SPAG16: variants seen among roughly 807,000 people sequenced by gnomAD.
SPAG16 encodes sperm-associated antigen 16 protein.
Under a neutral mutation model 80.4 loss-of-function variants are expected in SPAG16, and 86 were observed. The observed-to-expected ratio is 1.07, with a 90% CI of 0.90 to 1.28. The LOEUF (loss-of-function observed/expected upper bound fraction) is 1.28. SPAG16 is among the 50% of genes most tolerant of loss of function. The pLI, the probability that SPAG16 is intolerant of heterozygous loss-of-function variation, is 0.00. For missense variants in SPAG16, 870 were observed against 765.3 expected (o/e 1.14, Z -1.61); for synonymous variants, 294 against 265.9 (o/e 1.11, Z -1.03).
chr2:214,241,889 TAA>T (rs71037353), intron 15 of SPAG16, among the ~76,000 whole-genome samples: 187 of 148,246 alleles, frequency 1.3e-3, no homozygotes, highest in African/African-American at 4.0e-3. Context: ...GTAAGTTGTA[TAA>T]AAAAAAAAAA....
At chr2:214,021,689 C>CTA (rs1375482296) in intron 13 of SPAG16, among the ~76,000 whole-genome samples, 1 of 152,032 alleles carries the variant, frequency 6.6e-6, no homozygotes, top group Non-Finnish European at 1.5e-5. Context: ...TGCAATAATA[C>CTA]AATACAAAAT....
intron 14 of SPAG16, among the ~76,000 whole-genome samples, chr2:214,138,054 C>T (rs543745783): frequency 6.6e-6 from 1 of 152,162 alleles, no homozygotes; most frequent in Admixed American, 6.5e-5. Flanking sequence ...GGCTCTTTGG[C>T]TGGTCCAGGA....
intron 14 of SPAG16, among the ~76,000 whole-genome samples, chr2:214,126,383 A>T (rs1020458612): frequency 2.0e-5 from 3 of 151,476 alleles, no homozygotes; most frequent in Non-Finnish European, 2.9e-5. Flanking sequence ...TTCATTTCAA[A>T]GTATTCAGCA....
At chr2:213,373,209 T>A (rs1471389344) in intron 8 of SPAG16, among the ~76,000 whole-genome samples, 2 of 152,180 alleles carry the variant, frequency 1.3e-5, no homozygotes, top group African/African-American at 2.4e-5. Context: ...AAGTGCTATA[T>A]GGAATCTGAG....
intron 15 of SPAG16, among the ~76,000 whole-genome samples, chr2:214,167,547 G>T (rs758045391): frequency 5.9e-5 from 9 of 151,986 alleles, no homozygotes; most frequent in Non-Finnish European, 1.0e-4. Flanking sequence ...GAAAGGAAAG[G>T]ATACTTTACT....
rs375383090 is a variant in SPAG16, at chr2:213,930,194, G to T, written c.1400+49G>T. On this transcript the variant is annotated intron_variant, in intron 12 of 15. Transcript: ENST00000331683. ...TAATCCTCTGTGCTGATACATATAC[G>T]TGGGTAAAGTGGTAAAGTTCTTTTT... 2.1e-6 allele frequency: 3 copies of T among 1,396,650 alleles called. No homozygotes were observed. The South Asian group carries it at 4.6e-5, about 22-fold the overall frequency. 86.5% of individuals were successfully genotyped at this position (1,396,650 alleles called of 1,614,324 possible).
intron 11 of SPAG16, among the ~76,000 whole-genome samples, chr2:213,871,394 A>C (rs1270886854): frequency 6.6e-6 from 1 of 152,052 alleles, no homozygotes; most frequent in African/African-American, 2.4e-5. Context: ...AAAATTGCTG[A>C]AACTTACTAA....
chr2:213,841,771 T>A (rs1162417678), intron 10 of SPAG16, among the ~76,000 whole-genome samples: 2 of 152,144 alleles, frequency 1.3e-5, no homozygotes, highest in Non-Finnish European at 2.9e-5. Context: ...TCAAAACCCA[T>A]AATAAATACT....
At chr2:213,421,382 C>T (rs1169525109) in intron 9 of SPAG16, among the ~76,000 whole-genome samples, 1 of 152,232 alleles carries the variant, frequency 6.6e-6, no homozygotes, top group Non-Finnish European at 1.5e-5. Context: ...AGAGAGAGGC[C>T]AAAGGGGTAC....
chr2:213,503,043 A>G (rs1379702283), intron 10 of SPAG16, among the ~76,000 whole-genome samples: 1 of 152,218 alleles, frequency 6.6e-6, no homozygotes, highest in Non-Finnish European at 1.5e-5. Flanking sequence ...TCAACCTTAG[A>G]CATTTACCCT....
At chr2:213,426,017 T>A (rs1037956422) in intron 9 of SPAG16, among the ~76,000 whole-genome samples, 1 of 152,190 alleles carries the variant, frequency 6.6e-6, no homozygotes, top group Non-Finnish European at 1.5e-5. Context: ...ATAGGATAGG[T>A]GAAAAATATT....
chr2:213,701,027 G>A (rs1173341733), intron 10 of SPAG16, among the ~76,000 whole-genome samples: 1 of 152,034 alleles, frequency 6.6e-6, no homozygotes, highest in East Asian at 1.9e-4. Flanking sequence ...GGATCACTAG[G>A]TCAGGAGTTC....
chr2:213,558,033 A>T (rs1163207522), intron 10 of SPAG16, among the ~76,000 whole-genome samples: 1 of 152,166 alleles, frequency 6.6e-6, no homozygotes, highest in East Asian at 1.9e-4. Flanking sequence ...CAATTTTTTT[A>T]AAAACAGCAT....
At chr2:214,008,770 G>T (rs1439324062) in intron 12 of SPAG16, among the ~76,000 whole-genome samples, 4 of 151,926 alleles carry the variant, frequency 2.6e-5, no homozygotes, top group Non-Finnish European at 5.9e-5. Flanking sequence ...ATACATGCTA[G>T]ATGTTGTTAA....
chr2:213,995,566 C>A (rs1047099594), intron 12 of SPAG16, among the ~76,000 whole-genome samples: 5 of 152,140 alleles, frequency 3.3e-5, no homozygotes, highest in Admixed American at 3.3e-4. Flanking sequence ...AGACATGACT[C>A]TCTTTCTTAT....
chr2:213,756,124 C>G (rs1045837273), intron 10 of SPAG16, among the ~76,000 whole-genome samples: 11 of 152,018 alleles, frequency 7.2e-5, no homozygotes, highest in South Asian at 2.1e-4. Context: ...TGTCCTTCCA[C>G]AGAGGAGTTA....
intron 15 of SPAG16, among the ~76,000 whole-genome samples, chr2:214,230,947 C>T (rs932650383): frequency 2.0e-5 from 3 of 151,890 alleles, no homozygotes; most frequent in Admixed American, 6.6e-5. Flanking sequence ...GGGGAAGAGA[C>T]AGTTATTGAG....
intron 10 of SPAG16, among the ~76,000 whole-genome samples, chr2:213,583,866 G>A (rs1490250900): frequency 6.6e-6 from 1 of 152,156 alleles, no homozygotes; most frequent in Non-Finnish European, 1.5e-5. Context: ...TGTAGTACCT[G>A]TGAAGATTGA....
chr2:213,603,323 T>C (rs180967879), intron 10 of SPAG16, among the ~76,000 whole-genome samples: 86 of 152,372 alleles, frequency 5.6e-4, no homozygotes, highest in Admixed American at 4.0e-3. Flanking sequence ...AAAGGAAATT[T>C]TAAAAATGTT....
Sources: gnomAD v4.1 joint callset for allele counts (sites outside exome capture counted in the v4.1 genomes callset) on GRCh38, gnomAD v4.1.1 for gene constraint, MANE v1.5 for transcripts, NCBI Gene and HGNC (gene_info 2026-07-23, HGNC 2026-07-21) for gene names.